Variants in PTPN14 observed in about 807,000 individuals in gnomAD.
PTPN14 encodes protein tyrosine phosphatase non-receptor type 14.
A neutral mutation model predicts 126.8 loss-of-function variants in PTPN14; 53 were observed. That is an observed-to-expected ratio of 0.42 (90% confidence interval 0.34 to 0.53). The LOEUF is 0.53. PTPN14 is among the 20% of genes least tolerant of loss of function. The pLI is 0.08. For missense variants in PTPN14, 1,257 were observed against 1,552.9 expected (o/e 0.81, Z 3.20); for synonymous variants, 630 against 599.3 (o/e 1.05, Z -0.75).
At chr1:214,379,060 T>C (rs1658411848) in intron 13 of PTPN14, among the ~76,000 whole-genome samples, 1 of 152,230 alleles carries the variant, frequency 6.6e-6, no homozygotes, top group African/African-American at 2.4e-5. Context: ...GCTCTCTTTA[T>C]GCTCACTTCA....
chr1:214,405,053 C>T (rs1046238627), intron 5 of PTPN14, among the ~76,000 whole-genome samples: 1 of 152,218 alleles, frequency 6.6e-6, no homozygotes, highest in African/African-American at 2.4e-5. Flanking sequence ...CAGGCCGACA[C>T]CTCTTCTAAC....
chr1:214,488,401 A>T (rs1337554078), intron 1 of PTPN14, among the ~76,000 whole-genome samples: 5 of 152,156 alleles, frequency 3.3e-5, no homozygotes, highest in African/African-American at 1.2e-4. Flanking sequence ...CCTACCATAA[A>T]ACACTTTAAT....
chr1:214,449,011 C>CTTTTTTTGTTTTTT (rs1660211158), intron 3 of PTPN14, among the ~76,000 whole-genome samples: 1 of 112,440 alleles, frequency 8.9e-6, no homozygotes, highest in Non-Finnish European at 1.8e-5. Flanking sequence ...CTTAATTTTT[C>CTTTTTTTGTTTTTT]TTTTTTTTTT....
At chr1:214,402,202 C>A (rs1317489468) in intron 6 of PTPN14, among the ~76,000 whole-genome samples, 3 of 151,638 alleles carry the variant, frequency 2.0e-5, no homozygotes, top group Non-Finnish European at 4.4e-5. Flanking sequence ...CTTTGGGAGG[C>A]CGAGGCAGGC....
At chr1:214,387,595 T>C (rs571509094) in intron 11 of PTPN14, among the ~76,000 whole-genome samples, 1 of 151,268 alleles carries the variant, frequency 6.6e-6, no homozygotes, top group South Asian at 2.1e-4. Flanking sequence ...GTGAGAGTCG[T>C]TGAACCTGGG....
chr1:214,416,113 C>T (rs1288361581), intron 3 of PTPN14, among the ~76,000 whole-genome samples: 2 of 152,206 alleles, frequency 1.3e-5, no homozygotes, highest in Admixed American at 1.3e-4. Context: ...AGCTATCATT[C>T]ATGCACTTTC....
At position 214,376,418 on chromosome 1, in the gene PTPN14, T is replaced by C. The variant is rs745478396; in HGVS notation, c.2708A>G (p.Lys903Arg). The change falls in exon 15 of 19, where the codon AAA (lysine) becomes AGA (arginine). Residue 903 changes from lysine to arginine, a missense_variant. Around this residue, in one of 3 missense-constraint regions of PTPN14, gnomAD observed 65 missense variants for 139.7 expected, o/e 0.47. Coordinates refer to ENST00000366956, the MANE Select transcript of PTPN14 (RefSeq NM_005401.5). ...TGTGAACACCATTCCCTCTTCTAGT[T>C]TCTTCTTCAGGGTTCTGAACTGCAA... ...MDERFRTLKK[K>R]LEEGMVFTEY... is the part of the protein sequence containing the mutation. 1 of 1,613,638 alleles carries C rather than the reference T, an allele frequency of 6.2e-7. No homozygotes were observed. The highest frequency in any genetic ancestry group is 8.5e-7 in the Non-Finnish European group (1 of 1,179,540).
At chr1:214,365,436 T>G (rs73074017) in intron 17 of PTPN14, among the ~76,000 whole-genome samples, 5,446 of 152,002 alleles carry the variant, frequency 0.036, 181 homozygotes, top group African/African-American at 0.091. Flanking sequence ...TTCACAACCA[T>G]GACAAAAGAG....
chr1:214,369,682 G>A lies in PTPN14; in HGVS notation c.3046C>T (p.Arg1016Ter), dbSNP rs971817654. 8.1e-6 allele frequency: 13 copies of A among 1,613,918 alleles called. No individual in the cohort carries two copies. The Admixed American group carries it at 1.0e-4, about 12-fold the overall frequency. ...AMVTAEEEGG[R>*]TKSHRYWPKL... ...GGCCAGTATCGGTGGCTTTTGGTTCGTCCACCCTCCTAAATCACATATAAA... is the reference window on the plus strand; with the variant it reads ...GGCCAGTATCGGTGGCTTTTGGTTCATCCACCCTCCTAAATCACATATAAA... The change falls in exon 17 of 19, where the codon CGA (arginine) becomes TGA (stop). Residue 1016 changes from arginine (R) to a stop codon, truncating the protein, a stop_gained. Coordinates refer to ENST00000366956, the MANE Select transcript of PTPN14 (RefSeq NM_005401.5). LOFTEE classifies it high-confidence loss of function.
intron 2 of PTPN14, among the ~76,000 whole-genome samples, chr1:214,455,236 C>T (rs188213362): frequency 5.9e-5 from 9 of 152,332 alleles, no homozygotes; most frequent in Admixed American, 5.9e-4. Context: ...GAGACCCCAC[C>T]AGGCTGGTTT....
chr1:214,386,766 T>A, intron 12 of PTPN14, 78 bp downstream of exon 12: 1 of 1,376,290 alleles, frequency 7.3e-7, no homozygotes, highest in Non-Finnish European at 1.0e-6. Flanking sequence ...CCTGTCATCT[T>A]TTTTTTAAAG....
chr1:214,426,871 C>T (rs771975464), intron 3 of PTPN14, among the ~76,000 whole-genome samples: 7 of 152,280 alleles, frequency 4.6e-5, no homozygotes, highest in South Asian at 2.1e-4. Context: ...CTGCGGGCAT[C>T]AGGCCATATT....
At chr1:214,526,657 G>A (rs1429990388) in intron 1 of PTPN14, among the ~76,000 whole-genome samples, 1 of 152,192 alleles carries the variant, frequency 6.6e-6, no homozygotes, top group Non-Finnish European at 1.5e-5. Context: ...AAACACAGCA[G>A]AGAAGAATAG....
chr1:214,460,712 A>C (rs4655252), intron 2 of PTPN14, among the ~76,000 whole-genome samples: 126,042 of 152,070 alleles, frequency 0.83, 52,346 homozygotes, highest in African/African-American at 0.89. Flanking sequence ...CAGCACAAGC[A>C]GTTCCCCTTG....
chr1:214,481,855 C>T (rs903409431), intron 1 of PTPN14, among the ~76,000 whole-genome samples: 2 of 151,830 alleles, frequency 1.3e-5, no homozygotes, highest in Admixed American at 6.6e-5. Flanking sequence ...GGCATGGTGG[C>T]GGGCACCTGT....
intron 8 of PTPN14, among the ~76,000 whole-genome samples, chr1:214,397,707 T>C (rs1383889888): frequency 6.6e-6 from 1 of 152,162 alleles, no homozygotes; most frequent in Non-Finnish European, 1.5e-5. Flanking sequence ...ACAATGTAGT[T>C]CCTGGAATCA....
intron 1 of PTPN14, among the ~76,000 whole-genome samples, chr1:214,480,815 C>T (rs368802206): frequency 6.6e-6 from 1 of 152,152 alleles, no homozygotes; most frequent in Non-Finnish European, 1.5e-5. Context: ...TCCCACAGCA[C>T]ATAATATTGA....
In PTPN14 at chr1:214,443,328, A is replaced by G. The variant is rs1471080944; in HGVS notation, c.344+8477T>C. Among the ~76,000 whole-genome samples the G allele has an allele frequency of 4.6e-5, 7 of 152,238 alleles. No homozygotes were observed. In the East Asian group the frequency reaches 1.4e-3, roughly 29 times the overall value. On this transcript the variant is annotated intron_variant, in intron 3 of 18. Transcript: ENST00000366956. ...CAATCAGCTTTCCTAAAAGAAATCA[A>G]ATTGACTTTACACCACCTCCCCAAT... is the stretch of plus-strand genomic sequence containing the variant.
At chr1:214,414,607 G>A (rs769089273) in intron 4 of PTPN14, 22 bp downstream of exon 4, 12 of 1,588,694 alleles carry the variant, frequency 7.6e-6, no homozygotes, top group Non-Finnish European at 9.5e-6. Flanking sequence ...AATTTCACAT[G>A]CTGCTCATAA....
Sources: gnomAD v4.1 joint callset for allele counts (sites outside exome capture counted in the v4.1 genomes callset) on GRCh38, gnomAD v4.1.1 for gene constraint, gnomAD v4.1.1 regional missense constraint, MANE v1.5 for transcripts, NCBI Gene and HGNC (gene_info 2026-07-23, HGNC 2026-07-21) for gene names.